FAM185A: variants seen among roughly 807,000 people sequenced by gnomAD.
FAM185A encodes the protein protein FAM185A.
Under a neutral mutation model 45.7 loss-of-function variants are expected in FAM185A, and 21 were observed. That is an observed-to-expected ratio of 0.46 (90% CI 0.33 to 0.66). The LOEUF (loss-of-function observed/expected upper bound fraction) is 0.66, where lower values mean the gene tolerates loss of function less well. FAM185A is among the 30% of genes least tolerant of loss of function. FAM185A has a pLI of 0.03. For missense variants in FAM185A, 305 were observed against 485.4 expected, an observed-to-expected ratio of 0.63 and a Z score of 3.49; for synonymous variants, 117 against 194.0, an observed-to-expected ratio of 0.60 and a Z score of 3.30.
chr7:102,812,412 AT>A (rs1343385783), downstream of FAM185A, among the ~76,000 whole-genome samples: 1 of 152,220 alleles, frequency 6.6e-6, no homozygotes, highest in Non-Finnish European at 1.5e-5. Flanking sequence ...TTTCTGAGAC[AT>A]TGCAGGGACA....
At chr7:102,751,860 A>G (rs1215013714) in intron 2 of FAM185A, 59 bp downstream of exon 2, 7 of 738,922 alleles carry the variant, frequency 9.5e-6, no homozygotes, top group African/African-American at 5.5e-5. Flanking sequence ...TAAGCTATGA[A>G]TCGTACTATC....
the FAM185A span, among the ~76,000 whole-genome samples, chr7:102,826,724 C>CAT: frequency 0.013 from 834 of 62,194 alleles, 27 homozygotes; most frequent in Non-Finnish European, 0.022. Flanking sequence ...GACCCTGTCT[C>CAT]ATATATATAT....
At chr7:102,782,477 G>A (rs1220840700) in intron 6 of FAM185A, among the ~76,000 whole-genome samples, 5 of 152,218 alleles carry the variant, frequency 3.3e-5, no homozygotes, top group African/African-American at 1.2e-4. Flanking sequence ...CAAGCCAGAA[G>A]TGAGTGGGGG....
intron 4 of FAM185A, among the ~76,000 whole-genome samples, chr7:102,770,106 G>A (rs183705386): frequency 1.3e-5 from 2 of 152,222 alleles, no homozygotes; most frequent in East Asian, 3.9e-4. Flanking sequence ...CTTAAAGCAT[G>A]GTTTTCTTGT....
At chr7:102,838,932 A>C in the FAM185A span, among the ~76,000 whole-genome samples, 38 of 152,302 alleles carry the variant, frequency 2.5e-4, no homozygotes, top group East Asian at 5.6e-3. Flanking sequence ...GACACCCGTG[A>C]AGGGTCTGTG....
rs536485293 is a variant in FAM185A at position 102,783,851 on chromosome 7, A to G, written c.932-3484A>G. Among the ~76,000 whole-genome samples, 47 of 152,310 alleles carry G rather than the reference A, an allele frequency of 3.1e-4. No individual in the cohort carries two copies. The Middle Eastern group carries it at 0.01, about 33-fold the overall frequency. ...CTAAGATCAGAGCAGAACTGAAGGA[A>G]ATAGAGACACAAAAAACCCTTCAAA... On this transcript the variant is annotated intron_variant, in intron 6 of 7. Transcript: ENST00000413034.
At chr7:102,797,266 T>C (rs1346925581) in intron 7 of FAM185A, among the ~76,000 whole-genome samples, 2 of 152,054 alleles carry the variant, frequency 1.3e-5, no homozygotes, top group Admixed American at 6.5e-5. Flanking sequence ...ATAGAGACCA[T>C]ACTGGCTAAC....
chr7:102,782,635 C>G (rs1350534275), intron 6 of FAM185A, among the ~76,000 whole-genome samples: 110 of 152,244 alleles, frequency 7.2e-4, no homozygotes, highest in Non-Finnish European at 3.2e-4. Context: ...GCCCCTAAAA[C>G]AGCTCCTGAA....
At chr7:102,806,386 T>C (rs1797114564) in intron 7 of FAM185A, among the ~76,000 whole-genome samples, 1 of 152,168 alleles carries the variant, frequency 6.6e-6, no homozygotes, top group Non-Finnish European at 1.5e-5. Context: ...GGTTTCAACA[T>C]GTTGGCCAGT....
In FAM185A at chr7:102,773,467, C is replaced by T. The variant is rs184271787; in HGVS notation, c.835+1017C>T. ...TGTTCATTCTACTGTTGATGGACAC[C>T]TGGGCCATTTCTAATTTTTTGGCAA... On this transcript the variant is annotated intron_variant, in intron 5 of 7. Transcript: ENST00000413034. 3.3e-5 allele frequency among the ~76,000 whole-genome samples: 5 copies of T among 152,188 alleles called. No homozygotes were observed. In the East Asian group the frequency reaches 9.6e-4, roughly 29 times the overall value.
chr7:102,798,910 G>A (rs1796605455), intron 7 of FAM185A, among the ~76,000 whole-genome samples: 1 of 151,990 alleles, frequency 6.6e-6, no homozygotes, highest in Non-Finnish European at 1.5e-5. Context: ...ACCACGCCCA[G>A]CTAATTTTTG....
chr7:102,843,622 A>G, the FAM185A span, among the ~76,000 whole-genome samples: 1 of 151,872 alleles, frequency 6.6e-6, no homozygotes, highest in Non-Finnish European at 1.5e-5. Flanking sequence ...GAAAAATACA[A>G]AAAATTAGCC....
chr7:102,790,190 C>T (rs1312483478), intron 7 of FAM185A, among the ~76,000 whole-genome samples: 1 of 152,120 alleles, frequency 6.6e-6, no homozygotes, highest in Non-Finnish European at 1.5e-5. Context: ...TTATGAACTA[C>T]ACATAACATA....
intron 6 of FAM185A, among the ~76,000 whole-genome samples, chr7:102,785,683 G>C (rs1338757817): frequency 6.6e-6 from 1 of 151,900 alleles, no homozygotes; most frequent in African/African-American, 2.4e-5. Context: ...ATTAATTCAA[G>C]ATGGATTAAA....
rs563766734 is a variant in FAM185A, at chr7:102,802,434, G to C, written c.1067-5856G>C. On this transcript the variant is annotated intron_variant, in intron 7 of 7. Transcript: ENST00000413034. The stretch of plus-strand genomic sequence containing the variant: ...CATGGAAATTAAATAATCTGCACCT[G>C]AATGATCACTGGGTCAAAAACAAAA... 5.9e-5 allele frequency among the ~76,000 whole-genome samples: 9 copies of C among 152,294 alleles called. No individual in the cohort carries two copies. The East Asian group carries it at 1.7e-3, about 29-fold the overall frequency.
In FAM185A at chr7:102,761,278, G is replaced by C. The variant is rs1460049202; in HGVS notation, c.660G>C (p.Val220=). The C allele has an allele frequency of 1.3e-6, 2 of 1,539,106 alleles. No homozygotes were observed. Among genetic ancestry groups the C allele is most frequent in the Non-Finnish European group, 1.8e-6 (2 of 1,142,720 alleles). The part of the protein sequence containing the change: ...IDIHASDKSA[V]TIDKLQGSSV... ...ATTAGTCTTTCTCTTACTAGGCTGTGACCATAGATAAACTGCAGGGAAGTT... is the reference window on the plus strand; with the variant it reads ...ATTAGTCTTTCTCTTACTAGGCTGTCACCATAGATAAACTGCAGGGAAGTT... Residue 220 remains valine (V), a synonymous_variant, in exon 4 of 8, where the codon GTG becomes GTC. Transcript: ENST00000413034.
At chr7:102,776,170 C>T (rs188620464) in intron 5 of FAM185A, among the ~76,000 whole-genome samples, 1,689 of 145,340 alleles carry the variant, frequency 0.012, 41 homozygotes, top group African/African-American at 0.043. Context: ...TAGTTTTCAC[C>T]ACACTCCCTA....
the FAM185A span, among the ~76,000 whole-genome samples, chr7:102,840,101 G>A: frequency 6.6e-6 from 1 of 152,068 alleles, no homozygotes; most frequent in African/African-American, 2.4e-5. Flanking sequence ...TAAAAAGAAG[G>A]AAAATTGGAA....
At chr7:102,752,486 G>T (rs1404420324) in intron 2 of FAM185A, among the ~76,000 whole-genome samples, 2 of 151,770 alleles carry the variant, frequency 1.3e-5, no homozygotes, top group African/African-American at 4.8e-5. Flanking sequence ...TGGCCAGGCT[G>T]GTCTCGATCT....
Sources: gnomAD v4.1 joint callset for allele counts (sites outside exome capture counted in the v4.1 genomes callset) on GRCh38, gnomAD v4.1.1 for gene constraint, MANE v1.5 for transcripts, NCBI Gene and HGNC (gene_info 2026-07-23, HGNC 2026-07-21) for gene names.